Variants in CNTN6 observed in about 807,000 individuals in gnomAD.
CNTN6 encodes contactin-6.
CNTN6 carries 137 observed loss-of-function variants against 122.8 expected under a neutral mutation model. The observed-to-expected ratio is 1.12, with a 90% CI of 0.97 to 1.29. The LOEUF (loss-of-function observed/expected upper bound fraction) is 1.29. CNTN6 is among the 50% of genes most tolerant of loss of function. The pLI is 0.00. For synonymous variants in CNTN6, 570 were observed against 426.0 expected (o/e 1.34, Z -4.16); for missense variants, 1,634 against 1,223.4 (o/e 1.34, Z -5.01).
At chr3:1,252,188 T>C (rs1380250522) in intron 4 of CNTN6, among the ~76,000 whole-genome samples, 6 of 152,224 alleles carry the variant, frequency 3.9e-5, no homozygotes, top group Non-Finnish European at 8.8e-5. Flanking sequence ...CTTTCCCTTT[T>C]AAAATCTGCC....
chr3:1,237,997 A>G (rs2094441548), intron 4 of CNTN6, among the ~76,000 whole-genome samples: 1 of 151,672 alleles, frequency 6.6e-6, no homozygotes. Context: ...TGTTTAAAAA[A>G]AAAGAAAAGA....
chr3:1,356,482 A>G (rs550594714), intron 12 of CNTN6, among the ~76,000 whole-genome samples: 2 of 151,954 alleles, frequency 1.3e-5, no homozygotes, highest in African/African-American at 4.8e-5. Flanking sequence ...AAGTTTACTA[A>G]GAGAAATGCC....
chr3:1,102,621 G>C (rs548435607), intron 1 of CNTN6, among the ~76,000 whole-genome samples: 13 of 149,800 alleles, frequency 8.7e-5, no homozygotes, highest in South Asian at 2.1e-4. Context: ...CCAGCTACTC[G>C]GGAGGCTGAG....
intron 4 of CNTN6, among the ~76,000 whole-genome samples, chr3:1,239,203 C>T (rs2094454045): frequency 6.6e-6 from 1 of 152,080 alleles, no homozygotes; most frequent in African/African-American, 2.4e-5. Flanking sequence ...AAAGCGTGTC[C>T]AAATTGATAA....
chr3:1,191,777 A>T (rs904210784), intron 2 of CNTN6, among the ~76,000 whole-genome samples: 12 of 152,160 alleles, frequency 7.9e-5, no homozygotes, highest in African/African-American at 2.9e-4. Context: ...TACTCTAGGT[A>T]GTTTAGTGTC....
At chr3:1,104,797 A>T (rs945464855) in intron 1 of CNTN6, among the ~76,000 whole-genome samples, 1 of 152,092 alleles carries the variant, frequency 6.6e-6, no homozygotes, top group Non-Finnish European at 1.5e-5. Flanking sequence ...AAATTAATGC[A>T]TATGTTCTGC....
At chr3:1,162,823 T>G (rs74952761) in intron 2 of CNTN6, among the ~76,000 whole-genome samples, 2,300 of 152,304 alleles carry the variant, frequency 0.015, 63 homozygotes, top group African/African-American at 0.052. Flanking sequence ...AACTGCCAGT[T>G]TTTCTGTTTA....
chr3:1,394,195 C>T, intron 20 of CNTN6: 1 of 227,366 alleles, frequency 4.4e-6, no homozygotes, highest in South Asian at 5.1e-5. Context: ...TAGGTGCCCT[C>T]CGTCTGCCTC....
intron 12 of CNTN6, among the ~76,000 whole-genome samples, chr3:1,369,971 T>G (rs1708775831): frequency 6.6e-6 from 1 of 152,082 alleles, no homozygotes; most frequent in Non-Finnish European, 1.5e-5. Context: ...AATACAAGCT[T>G]TTTAAATTCA....
chr3:1,320,593 A>C (rs1048858872), intron 7 of CNTN6, among the ~76,000 whole-genome samples: 1 of 151,704 alleles, frequency 6.6e-6, no homozygotes, highest in African/African-American at 2.4e-5. Context: ...CATTATTATT[A>C]ATTTGAAATA....
rs565240571 is a variant in CNTN6, at chr3:1,106,753, C to T, written c.-83+13633C>T. Among the ~76,000 whole-genome samples, 3 of 152,194 alleles carry T rather than the reference C, an allele frequency of 2.0e-5. No individual in the cohort carries two copies. In the South Asian group the frequency reaches 6.2e-4, roughly 32 times the overall value. On this transcript the variant is annotated intron_variant, in intron 1 of 22. Transcript: ENST00000446702. ...ATCCAATGAACTTTCCCTTTCACTT[C>T]ACATATTCTCTGGGCTCATGGTTAG...
At chr3:1,174,153 A>G (rs2093408620) in intron 2 of CNTN6, among the ~76,000 whole-genome samples, 1 of 152,198 alleles carries the variant, frequency 6.6e-6, no homozygotes, top group Admixed American at 6.5e-5. Flanking sequence ...TCTTCTCTGC[A>G]AATCTCAGCT....
intron 1 of CNTN6, among the ~76,000 whole-genome samples, chr3:1,120,667 G>C (rs181126829): frequency 1.3e-5 from 2 of 151,752 alleles, no homozygotes. Context: ...TTTTATGGTT[G>C]GTCATTTTTG....
At chr3:1,364,730 G>A (rs1487225478) in intron 12 of CNTN6, among the ~76,000 whole-genome samples, 1 of 151,894 alleles carries the variant, frequency 6.6e-6, no homozygotes. Context: ...TAGTCTTCAT[G>A]TCTGCTGGGG....
chr3:1,117,428 G>A (rs2091769089), intron 1 of CNTN6, among the ~76,000 whole-genome samples: 1 of 152,098 alleles, frequency 6.6e-6, no homozygotes, highest in Non-Finnish European at 1.5e-5. Context: ...GTGTTATAGT[G>A]GTTATGGGTT....
intron 2 of CNTN6, among the ~76,000 whole-genome samples, chr3:1,199,140 C>T (rs974467235): frequency 4.7e-5 from 7 of 150,198 alleles, no homozygotes; most frequent in African/African-American, 1.5e-4. Flanking sequence ...AGGCTGTAGA[C>T]TTCTAGACTC....
intron 4 of CNTN6, among the ~76,000 whole-genome samples, chr3:1,244,382 TGG>T (rs2094529612): frequency 1.4e-5 from 2 of 148,074 alleles, no homozygotes; most frequent in African/African-American, 5.0e-5. Flanking sequence ...GAGGGGTACT[TGG>T]CCCTGCCCCA....
intron 7 of CNTN6, among the ~76,000 whole-genome samples, chr3:1,302,925 TTCTTAA>T (rs1697672608): frequency 8.2e-6 from 1 of 121,518 alleles, no homozygotes; most frequent in Non-Finnish European, 1.8e-5. Context: ...TCTGTCCAAG[TTCTTAA>T]TCTTTTTAAA....
At chr3:1,193,809 A>G (rs2093736009) in intron 2 of CNTN6, among the ~76,000 whole-genome samples, 1 of 152,108 alleles carries the variant, frequency 6.6e-6, no homozygotes, top group Non-Finnish European at 1.5e-5. Flanking sequence ...CACTGCACTC[A>G]CTTTTATAAA....
Sources: gnomAD v4.1 joint callset for allele counts (sites outside exome capture counted in the v4.1 genomes callset) on GRCh38, gnomAD v4.1.1 for gene constraint, MANE v1.5 for transcripts, NCBI Gene and HGNC (gene_info 2026-07-23, HGNC 2026-07-21) for gene names.